The following ERC1 variants were observed in gnomAD, a reference collection of about 807,000 sequenced individuals.
ERC1 encodes ELKS/RAB6-interacting/CAST family member 1.
ERC1 carries 56 observed loss-of-function variants against 132.0 expected under a neutral mutation model. The observed-to-expected ratio is 0.42, with a 90% confidence interval of 0.34 to 0.53. The LOEUF (loss-of-function observed/expected upper bound fraction) is 0.53. Among genes scored for constraint, ERC1 ranks in the 20% least tolerant of loss-of-function variants. The pLI is 0.03. For missense variants in ERC1, 1,202 were observed against 1,349.9 expected (o/e 0.89, Z 1.72); for synonymous variants, 478 against 476.1 (o/e 1.00, Z -0.05).
At chr12:1,420,926 G>T (rs1456840169) in intron 17 of ERC1, among the ~76,000 whole-genome samples, 5 of 147,990 alleles carry the variant, frequency 3.4e-5, no homozygotes, top group East Asian at 4.0e-4. Context: ...GTTTGGGGGG[G>T]GGGGGGGTTA....
intron 15 of ERC1, among the ~76,000 whole-genome samples, chr12:1,293,211 T>C (rs887280041): frequency 6.7e-6 from 1 of 149,852 alleles, no homozygotes; most frequent in African/African-American, 2.5e-5. Context: ...TCCCAGCACT[T>C]TGGGAGGCTG....
At chr12:1,021,543 C>CA (rs1457659826) in intron 1 of ERC1, among the ~76,000 whole-genome samples, 4 of 151,648 alleles carry the variant, frequency 2.6e-5, no homozygotes, top group Non-Finnish European at 2.9e-5. Flanking sequence ...ACTAAAAATA[C>CA]AAAAAATTAG....
At chr12:1,256,812 A>G (rs927110892) in intron 13 of ERC1, among the ~76,000 whole-genome samples, 2 of 150,770 alleles carry the variant, frequency 1.3e-5, no homozygotes, top group Non-Finnish European at 2.9e-5. Flanking sequence ...CCATTTTAAT[A>G]TAGTCTCATA....
intron 3 of ERC1, among the ~76,000 whole-genome samples, chr12:1,084,452 G>T (rs1371115136): frequency 6.6e-6 from 1 of 152,076 alleles, no homozygotes; most frequent in East Asian, 1.9e-4. Context: ...AAATTTGTAG[G>T]TTGTTCTATA....
intron 15 of ERC1, among the ~76,000 whole-genome samples, chr12:1,315,727 CAGAGAG>C (rs971211542): frequency 6.6e-6 from 1 of 150,486 alleles, no homozygotes; most frequent in Non-Finnish European, 1.5e-5. Context: ...GAGAGAAAGC[CAGAGAG>C]AGAGAGAGCG....
At chr12:1,180,435 C>A in intron 8 of ERC1, 105 bp from the exon 9 acceptor site, 2 of 1,023,174 alleles carry the variant, frequency 2.0e-6, no homozygotes, top group Non-Finnish European at 1.4e-6. Context: ...TGCACACACA[C>A]AGACAACCCT....
chr12:1,112,335 G>T, intron 6 of ERC1, 37 bp downstream of exon 6: 2 of 1,451,356 alleles, frequency 1.4e-6, no homozygotes, highest in Non-Finnish European at 1.9e-6. Flanking sequence ...GTGTGCAGTG[G>T]TCCCACAGTG....
intron 12 of ERC1, among the ~76,000 whole-genome samples, chr12:1,193,492 A>G (rs1352086273): frequency 6.6e-6 from 1 of 151,968 alleles, no homozygotes; most frequent in Non-Finnish European, 1.5e-5. Context: ...ACACATATAT[A>G]AACACACACA....
rs1214354898 is a variant in ERC1, at chr12:1,444,769, C to T, written c.3213+19C>T. 1 of 1,609,706 alleles carries T rather than the reference C, an allele frequency of 6.2e-7. No homozygotes were observed. Among genetic ancestry groups the T allele is most frequent in the South Asian group, 1.1e-5 (1 of 90,472 alleles). ...GGGGCAGGTGAGCCTCTCACTCAAA[C>T]TTTGAAAAGAGCCTGTGAAAATCCA... On this transcript the variant is annotated intron_variant, in intron 18 of 18. Transcript: ENST00000360905.
chr12:1,102,737 TAATA>T (rs1944812820), intron 3 of ERC1, among the ~76,000 whole-genome samples: 1 of 152,130 alleles, frequency 6.6e-6, no homozygotes, highest in South Asian at 2.1e-4. Context: ...TAAGTAAACA[TAATA>T]AATCATAAAA....
chr12:1,021,118 T>A (rs1180121974), intron 1 of ERC1, among the ~76,000 whole-genome samples: 1 of 152,030 alleles, frequency 6.6e-6, no homozygotes, highest in African/African-American at 2.4e-5. Context: ...TTTTTGTATT[T>A]TTAGTAGAGA....
chr12:1,259,349 A>C (rs978141159), intron 13 of ERC1, among the ~76,000 whole-genome samples: 1 of 152,030 alleles, frequency 6.6e-6, no homozygotes, highest in African/African-American at 2.4e-5. Context: ...GTGTTTTTAC[A>C]CAAACCAACA....
At chr12:1,122,643 A>ATCTGTG (rs1243310450) in intron 7 of ERC1, among the ~76,000 whole-genome samples, 1 of 150,986 alleles carries the variant, frequency 6.6e-6, no homozygotes, top group African/African-American at 2.5e-5. Flanking sequence ...CTCTATCTCT[A>ATCTGTG]TCTCTATCTC....
At chr12:1,132,786 A>G (rs1948888187) in intron 7 of ERC1, among the ~76,000 whole-genome samples, 1 of 152,138 alleles carries the variant, frequency 6.6e-6, no homozygotes, top group East Asian at 1.9e-4. Context: ...TTCAGGTTTG[A>G]ATGCCTAAGC....
At chr12:1,092,357 G>T (rs1943359093) in intron 3 of ERC1, among the ~76,000 whole-genome samples, 1 of 151,932 alleles carries the variant, frequency 6.6e-6, no homozygotes, top group African/African-American at 2.4e-5. Context: ...ATTGAGTTAA[G>T]TGTTAACACT....
chr12:1,255,608 G>T (rs2076747863), intron 13 of ERC1, among the ~76,000 whole-genome samples: 1 of 112,350 alleles, frequency 8.9e-6, no homozygotes. Flanking sequence ...TTCAGCATCT[G>T]TTGCTTCCTG....
Position 1,254,838 on chromosome 12 carries a change from G to A in ERC1, c.2488-8196G>A, listed in dbSNP as rs12580441. Among the ~76,000 whole-genome samples the A allele has an allele frequency of 2.6e-4, 39 of 152,118 alleles. No homozygotes were observed. In the East Asian group the frequency reaches 7.2e-3, roughly 28 times the overall value. ...AATAATCGTACGTATGTATGGTGATGTTTGAATACATGTATACATTGTGGA... is the reference window on the plus strand; with the variant it reads ...AATAATCGTACGTATGTATGGTGATATTTGAATACATGTATACATTGTGGA... On this transcript the variant is annotated intron_variant, in intron 13 of 18. Coordinates refer to ENST00000360905, the MANE Select transcript of ERC1 (RefSeq NM_178040.4).
Position 1,320,778 on chromosome 12 carries a change from T to C in ERC1, c.2780+30766T>C, listed in dbSNP as rs540787415. Among the ~76,000 whole-genome samples, 566 of 152,336 alleles carry C rather than the reference T, an allele frequency of 3.7e-3. 6 individuals are homozygous for C. The highest frequency in any genetic ancestry group is 0.02 in the Middle Eastern group (6 of 294). On this transcript the variant is annotated intron_variant, in intron 15 of 18. Transcript: ENST00000360905. ...GTGCAGTGGCACGATCTGGGCTCAC[T>C]GCAAGCTCTGCCTCCCGGGTTCACG...
Position 1,287,825 on chromosome 12 carries a change from TATA to T in ERC1, c.2620-2022_2620-2020del, listed in dbSNP as rs542604966. Reference sequence around the variant, plus strand: ...TCTTGTGATTCATGAGCCAGTTTCTTATAATAAGTCTTTATTTACACATATACA... The same window carrying T: ...TCTTGTGATTCATGAGCCAGTTTCTTATAAGTCTTTATTTACACATATACA... On this transcript the variant is annotated intron_variant, in intron 14 of 18. Transcript: ENST00000360905. 7.9e-5 allele frequency among the ~76,000 whole-genome samples: 12 copies of T among 152,338 alleles called. 1 individual carries two copies. In the South Asian group the frequency reaches 2.1e-3, roughly 26 times the overall value.
Sources: gnomAD v4.1 joint callset for allele counts (sites outside exome capture counted in the v4.1 genomes callset) on GRCh38, gnomAD v4.1.1 for gene constraint, MANE v1.5 for transcripts, NCBI Gene and HGNC (gene_info 2026-07-23, HGNC 2026-07-21) for gene names.